The following ANAPC1 variants were observed in gnomAD, a reference collection of about 807,000 sequenced individuals.
ANAPC1 encodes anaphase promoting complex subunit 1.
A neutral mutation model predicts 208.0 loss-of-function variants in ANAPC1; 36 were observed. The observed-to-expected ratio is 0.17, with a 90% CI of 0.13 to 0.23. ANAPC1 has a LOEUF of 0.23. Ranked by LOEUF, ANAPC1 falls within the 10% of genes least tolerant of loss-of-function variation. The pLI is 1.00. For synonymous variants in ANAPC1, 378 were observed against 695.2 expected (o/e 0.54, Z 7.18); for missense variants, 942 against 2,011.6 (o/e 0.47, Z 10.17).
chr2:111,828,859 G>A (rs985787485), intron 21 of ANAPC1, among the ~76,000 whole-genome samples: 10 of 152,146 alleles, frequency 6.6e-5, no homozygotes, highest in African/African-American at 1.7e-4. Context: ...TCTTGGGTAC[G>A]GACAGTGGTG....
Position 111,772,432 on chromosome 2 carries a change from G to A in ANAPC1, c.5628C>T (p.Pro1876=). 14 of 1,595,466 alleles carry A rather than the reference G, an allele frequency of 8.8e-6. No individual in the cohort carries two copies. Among genetic ancestry groups the A allele is most frequent in the Non-Finnish European group, 1.1e-5 (13 of 1,169,488 alleles). The part of the protein sequence containing the change: ...MCVHAYLSGQ[P]LEESQLSMLA... Reference sequence around the variant, plus strand: ...GCATGCTCAGCTGTGATTCCTCCAAGGGCTGCCCGCTGAGGTAGGCGTGCA... The same window carrying A: ...GCATGCTCAGCTGTGATTCCTCCAAAGGCTGCCCGCTGAGGTAGGCGTGCA... The change falls in exon 47 of 48, where the codon CCC becomes CCT. Residue 1876 remains proline, a synonymous_variant. Coordinates refer to ENST00000341068, the MANE Select transcript of ANAPC1 (RefSeq NM_022662.4).
At chr2:111,859,471 CAATAAATA>C (rs369277541) in intron 10 of ANAPC1, among the ~76,000 whole-genome samples, 8 of 151,018 alleles carry the variant, frequency 5.3e-5, no homozygotes, top group South Asian at 2.1e-4. Context: ...AACTCTATCT[CAATAAATA>C]AATAAATAAA....
chr2:111,873,417 A>G lies in ANAPC1; in HGVS notation c.428-9T>C. ...TTCTACTTCATTGCTACCTGAAAAGAAAGGGTACAACAAGACTTATGTGTT... is the reference window on the plus strand; with the variant it reads ...TTCTACTTCATTGCTACCTGAAAAGGAAGGGTACAACAAGACTTATGTGTT... On this transcript the variant is annotated splice_polypyrimidine_tract_variant and intron_variant, in intron 4 of 47. Transcript: ENST00000341068. 1 of 1,600,478 alleles carries G rather than the reference A, an allele frequency of 6.2e-7. No individual in the cohort carries two copies. Among genetic ancestry groups the G allele is most frequent in the Non-Finnish European group, 8.5e-7 (1 of 1,175,462 alleles).
At chr2:111,787,160 A>C (rs72954447) in intron 39 of ANAPC1, among the ~76,000 whole-genome samples, 4,758 of 122,286 alleles carry the variant, frequency 0.039, no homozygotes, top group African/African-American at 0.083. Context: ...AAAAAAAAAA[A>C]AAAAGATTCT....
intron 1 of ANAPC1, among the ~76,000 whole-genome samples, chr2:111,882,089 C>A (rs1194789323): frequency 5.3e-5 from 8 of 151,852 alleles, no homozygotes; most frequent in African/African-American, 1.9e-4. Context: ...GAGGCTGAGG[C>A]AGGAGAATGG....
intron 21 of ANAPC1, among the ~76,000 whole-genome samples, chr2:111,826,360 C>G (rs2104444908): frequency 6.6e-6 from 1 of 152,292 alleles, no homozygotes; most frequent in South Asian, 2.1e-4. Flanking sequence ...GTAGTCAATC[C>G]TTTCCTCCTA....
downstream of ANAPC1, chr2:111,766,562 G>A (rs1676477810): frequency 5.3e-6 from 1 of 187,052 alleles, no homozygotes; most frequent in African/African-American, 2.4e-5. Flanking sequence ...CAGCTTAATT[G>A]GGGTGATCCT....
intron 13 of ANAPC1, among the ~76,000 whole-genome samples, chr2:111,852,450 A>G (rs1681456155): frequency 1.3e-5 from 2 of 152,194 alleles, no homozygotes; most frequent in African/African-American, 4.8e-5. Context: ...ACTTTTCACT[A>G]TATCTGCCCT....
chr2:111,860,493 C>T (rs112839443), intron 10 of ANAPC1, among the ~76,000 whole-genome samples: 37,696 of 138,086 alleles, frequency 0.27, 5,326 homozygotes, highest in Non-Finnish European at 0.32. Flanking sequence ...ACTTTTTCTA[C>T]CCCACTTTCC....
At chr2:111,869,639 AGT>A (rs1466410947) in intron 6 of ANAPC1, among the ~76,000 whole-genome samples, 2 of 152,222 alleles carry the variant, frequency 1.3e-5, no homozygotes, top group African/African-American at 4.8e-5. Flanking sequence ...AGAGTTCATG[AGT>A]GTACATACAG....
chr2:111,864,090 G>A (rs1324460104), intron 8 of ANAPC1, among the ~76,000 whole-genome samples, 195 bp from the exon 9 acceptor site: 2 of 152,068 alleles, frequency 1.3e-5, no homozygotes, highest in Non-Finnish European at 2.9e-5. Context: ...ACTTTGGGAG[G>A]GTGAGGAGAG....
chr2:111,819,999 G>A (rs1236076432), intron 26 of ANAPC1, among the ~76,000 whole-genome samples: 1 of 150,444 alleles, frequency 6.6e-6, no homozygotes, highest in Admixed American at 6.6e-5. Context: ...TCAACTTTGC[G>A]CAAGTAACAA....
chr2:111,824,254 A>C lies in ANAPC1; in HGVS notation c.2812+712T>G, dbSNP rs868034824. On this transcript the variant is annotated intron_variant, in intron 24 of 47. Coordinates refer to ENST00000341068, the MANE Select transcript of ANAPC1 (RefSeq NM_022662.4). ...AAGGTAAAATGCAAAAAAAAAAAAA[A>C]AAAACCTGTCAGAAACTTCATTTAG... 3.8e-3 allele frequency among the ~76,000 whole-genome samples: 562 copies of C among 146,984 alleles called. 5 individuals are homozygous for C. The highest frequency in any genetic ancestry group is 0.011 in the African/African-American group (431 of 40,822).
At chr2:111,852,167 GA>G (rs1383248248) in intron 13 of ANAPC1, among the ~76,000 whole-genome samples, 5 of 145,988 alleles carry the variant, frequency 3.4e-5, no homozygotes, top group East Asian at 2.0e-4. Context: ...TCACCAAAAA[GA>G]AAAAAAAACT....
chr2:111,803,966 TTCC>T lies in ANAPC1; in HGVS notation c.3925-130_3925-128del, dbSNP rs1678556181. 8.9e-6 allele frequency: 5 copies of T among 561,592 alleles called. No individual in the cohort carries two copies. The South Asian group carries it at 1.1e-4, about 12-fold the overall frequency. 34.8% of individuals were successfully genotyped at this position (561,592 alleles called of 1,614,324 possible). On this transcript the variant is annotated intron_variant, in intron 30 of 47. Coordinates refer to ENST00000341068, the MANE Select transcript of ANAPC1 (RefSeq NM_022662.4). ...TTATTTTGGGTTTTGTTTTTTTTAT[TTCC>T]AATTTAAAGCAAACATTAATCATGA...
At chr2:111,847,890 C>T (rs1408468151) in intron 14 of ANAPC1, 25 bp from the exon 15 acceptor site, 4 of 1,520,108 alleles carry the variant, frequency 2.6e-6, no homozygotes, top group Non-Finnish European at 3.5e-6. Flanking sequence ...AAATACGATA[C>T]AAATGAATTG....
At chr2:111,839,496 A>G (rs1200849017) in intron 17 of ANAPC1, among the ~76,000 whole-genome samples, 3 of 152,176 alleles carry the variant, frequency 2.0e-5, no homozygotes, top group African/African-American at 7.2e-5. Context: ...CTATTTTCCT[A>G]TGCTGAAAAA....
chr2:111,868,566 T>C (rs1682561158), intron 6 of ANAPC1, among the ~76,000 whole-genome samples: 1 of 152,240 alleles, frequency 6.6e-6, no homozygotes, highest in Non-Finnish European at 1.5e-5. Context: ...AGTCTCACTC[T>C]GTTGCCCAGG....
intron 46 of ANAPC1, among the ~76,000 whole-genome samples, chr2:111,775,889 G>C (rs1676984735): frequency 6.6e-6 from 1 of 152,276 alleles, no homozygotes; most frequent in Admixed American, 6.5e-5. Context: ...GAAGCTATAT[G>C]ATCTTTGAAT....
Sources: gnomAD v4.1 joint callset for allele counts (sites outside exome capture counted in the v4.1 genomes callset) on GRCh38, gnomAD v4.1.1 for gene constraint, MANE v1.5 for transcripts, NCBI Gene and HGNC (gene_info 2026-07-23, HGNC 2026-07-21) for gene names.